Variants in ITFG1 observed in about 807,000 individuals in gnomAD.
The protein encoded by ITFG1 is integrin alpha FG-GAP repeat containing 1.
Under a neutral mutation model 81.8 loss-of-function variants are expected in ITFG1, and 34 were observed. That is an observed-to-expected ratio of 0.42 (90% confidence interval 0.32 to 0.55). The LOEUF is 0.55. Ranked by LOEUF, ITFG1 falls within the 20% of genes least tolerant of loss-of-function variation. The pLI is 0.17. For missense variants in ITFG1, 672 were observed against 755.4 expected (o/e 0.89, Z 1.29); for synonymous variants, 285 against 270.6 (o/e 1.05, Z -0.52).
intron 6 of ITFG1, among the ~76,000 whole-genome samples, chr16:47,420,637 G>C (rs1567494046): frequency 6.6e-6 from 1 of 152,164 alleles, no homozygotes; most frequent in Non-Finnish European, 1.5e-5. Flanking sequence ...TCGAGATCCT[G>C]CTGTTAAAAA....
chr16:47,421,765 AT>A (rs1338699927), intron 6 of ITFG1, among the ~76,000 whole-genome samples: 1 of 152,044 alleles, frequency 6.6e-6, no homozygotes, highest in Non-Finnish European at 1.5e-5. Context: ...TGCCATGTTG[AT>A]TGGCTGCACC....
chr16:47,280,401 A>C (rs1966439000), intron 10 of ITFG1, among the ~76,000 whole-genome samples: 1 of 152,220 alleles, frequency 6.6e-6, no homozygotes. Flanking sequence ...AAATGGAGGA[A>C]TAAAATGATT....
chr16:47,173,398 A>G (rs542907103), intron 14 of ITFG1, among the ~76,000 whole-genome samples: 1 of 152,300 alleles, frequency 6.6e-6, no homozygotes, highest in South Asian at 2.1e-4. Flanking sequence ...GGCCTAGCAT[A>G]TATTAGCCAC....
intron 10 of ITFG1, among the ~76,000 whole-genome samples, chr16:47,263,719 C>T (rs1179448734): frequency 6.6e-6 from 1 of 152,046 alleles, no homozygotes; most frequent in East Asian, 1.9e-4. Context: ...CTACTCACTA[C>T]TTTACCTGAA....
chr16:47,348,469 G>A (rs900297546), intron 8 of ITFG1, among the ~76,000 whole-genome samples: 10 of 152,116 alleles, frequency 6.6e-5, no homozygotes, highest in Non-Finnish European at 1.3e-4. Context: ...AGTGATGGAA[G>A]ATCAAATGAG....
chr16:47,228,960 A>C (rs1396862042), intron 13 of ITFG1, among the ~76,000 whole-genome samples: 1 of 152,178 alleles, frequency 6.6e-6, no homozygotes, highest in Non-Finnish European at 1.5e-5. Flanking sequence ...AACAGTGAAT[A>C]TGCTATTGGG....
intron 14 of ITFG1, among the ~76,000 whole-genome samples, chr16:47,211,299 A>C (rs1965558133): frequency 6.6e-6 from 1 of 152,196 alleles, no homozygotes; most frequent in South Asian, 2.1e-4. Flanking sequence ...ATAGAAATGT[A>C]TTTTTAATTT....
At chr16:47,340,353 G>C (rs1967764896) in intron 8 of ITFG1, among the ~76,000 whole-genome samples, 1 of 152,040 alleles carries the variant, frequency 6.6e-6, no homozygotes, top group Admixed American at 6.6e-5. Context: ...TATGTATTGA[G>C]CACAAATTAT....
chr16:47,308,595 G>A lies in ITFG1; in HGVS notation c.1070+2645C>T, dbSNP rs147605137. Among the ~76,000 whole-genome samples the A allele has an allele frequency of 3.1e-3, 466 of 152,222 alleles. 2 individuals are homozygous for A. The highest frequency in any genetic ancestry group is 0.011 in the African/African-American group (444 of 41,538). On this transcript the variant is annotated intron_variant, in intron 10 of 17. Transcript: ENST00000320640. ...AAAATAAAGATAATAACCAACCCAT[G>A]AAAAACGATGGTAAAGTAATACAAA...
intron 13 of ITFG1, among the ~76,000 whole-genome samples, chr16:47,236,841 T>C (rs1197186380): frequency 6.6e-6 from 1 of 152,200 alleles, no homozygotes; most frequent in Non-Finnish European, 1.5e-5. Flanking sequence ...CTTCAGGACC[T>C]ACACACTTAT....
intron 6 of ITFG1, among the ~76,000 whole-genome samples, chr16:47,424,405 T>C (rs1968992376): frequency 6.6e-6 from 1 of 152,158 alleles, no homozygotes; most frequent in Admixed American, 6.5e-5. Flanking sequence ...AAGTTTGCTA[T>C]TAACGATCTT....
intron 10 of ITFG1, among the ~76,000 whole-genome samples, chr16:47,269,523 CA>C (rs1279181194): frequency 7.0e-6 from 1 of 142,070 alleles, no homozygotes; most frequent in Non-Finnish European, 1.5e-5. Context: ...AAAAAAGTAC[CA>C]GGCATAATAG....
At chr16:47,224,043 C>T (rs1228205011) in intron 13 of ITFG1, among the ~76,000 whole-genome samples, 9 of 126,260 alleles carry the variant, frequency 7.1e-5, no homozygotes, top group Non-Finnish European at 1.4e-4. Flanking sequence ...GGAAGGGGAA[C>T]ATCACACTCT....
At chr16:47,405,331 T>C (rs1172579470) in intron 6 of ITFG1, among the ~76,000 whole-genome samples, 1 of 152,196 alleles carries the variant, frequency 6.6e-6, no homozygotes, top group Non-Finnish European at 1.5e-5. Flanking sequence ...AGTGAGCATG[T>C]ACTAGTCCAT....
At chr16:47,209,074 A>C (rs1965534334) in intron 14 of ITFG1, among the ~76,000 whole-genome samples, 1 of 152,236 alleles carries the variant, frequency 6.6e-6, no homozygotes, top group Admixed American at 6.5e-5. Context: ...AGCCATGAGA[A>C]AAGTATTAAA....
chr16:47,445,972 G>A (rs976880543), intron 5 of ITFG1, among the ~76,000 whole-genome samples: 10 of 151,892 alleles, frequency 6.6e-5, no homozygotes, highest in South Asian at 4.2e-4. Context: ...ATTTATTTAC[G>A]TATTTGTGAG....
chr16:47,226,807 T>G (rs1054144303), intron 13 of ITFG1, among the ~76,000 whole-genome samples: 6 of 152,086 alleles, frequency 3.9e-5, no homozygotes. Flanking sequence ...CACTAAGCAT[T>G]AAAGAGATTT....
chr16:47,382,039 GAATT>G (rs1968402494), intron 6 of ITFG1, among the ~76,000 whole-genome samples: 1 of 152,206 alleles, frequency 6.6e-6, no homozygotes, highest in Non-Finnish European at 1.5e-5. Flanking sequence ...CAGAGGGACA[GAATT>G]AATTAGCTCC....
At chr16:47,304,227 T>C (rs1967123393) in intron 10 of ITFG1, among the ~76,000 whole-genome samples, 1 of 152,196 alleles carries the variant, frequency 6.6e-6, no homozygotes, top group Admixed American at 6.5e-5. Context: ...ATCGCTCATG[T>C]TGTGCCAGTC....
Sources: gnomAD v4.1 joint callset for allele counts (sites outside exome capture counted in the v4.1 genomes callset) on GRCh38, gnomAD v4.1.1 for gene constraint, MANE v1.5 for transcripts, NCBI Gene and HGNC (gene_info 2026-07-23, HGNC 2026-07-21) for gene names.